PPP4R1: variants seen among roughly 807,000 people sequenced by gnomAD.
PPP4R1 encodes the protein protein phosphatase 4 regulatory subunit 1, also known as serine/threonine-protein phosphatase 4 regulatory subunit 1.
In PPP4R1, 42 loss-of-function variants were observed where a neutral mutation model predicts 111.2. The ratio of observed to expected loss-of-function variants is 0.38; its 90% CI spans 0.29 to 0.49. The LOEUF (loss-of-function observed/expected upper bound fraction) is 0.49. Ranked by LOEUF, PPP4R1 falls within the 20% of genes least tolerant of loss-of-function variation. The probability of loss-of-function intolerance (pLI) is 0.97; values close to 1 mark genes in which losing one functional copy is unlikely to be tolerated. For missense variants in PPP4R1, 1,012 were observed against 1,161.6 expected (o/e 0.87, Z 1.87); for synonymous variants, 409 against 405.5 (o/e 1.01, Z -0.10).
intron 4 of PPP4R1, among the ~76,000 whole-genome samples, chr18:9,590,685 A>G (rs2067196419): frequency 6.6e-6 from 1 of 151,958 alleles, no homozygotes; most frequent in African/African-American, 2.4e-5. Flanking sequence ...CTGGCTACTC[A>G]CATTAAAAAA....
intron 2 of PPP4R1, among the ~76,000 whole-genome samples, chr18:9,612,079 C>T (rs1346839288): frequency 6.6e-6 from 1 of 152,102 alleles, no homozygotes; most frequent in Non-Finnish European, 1.5e-5. Flanking sequence ...CTGTAAGGTT[C>T]AACATCAGTG....
rs750119487 is a variant in PPP4R1 at position 9,593,785 on chromosome 18, C to T, written c.278G>A (p.Arg93Lys). ...DCIAVLERIS[R>K]LADDSEPTVR... ...ACATATACCTGAATCATCGGCCAAT[C>T]TGCTAATTCTTTCCAAAACAGCAAT... Residue 93 changes from arginine (R) to lysine (K), a missense_variant, in exon 4 of 20, where the codon AGA (arginine) becomes AAA (lysine). Physicochemically the swap from Arg to Lys is conservative, Grantham distance 26. Around this residue, in one of 2 missense-constraint regions of PPP4R1, gnomAD observed 707 missense variants for 742.1 expected, o/e 0.95. Transcript: ENST00000400556. 1.9e-6 allele frequency: 3 copies of T among 1,613,564 alleles called. No individual in the cohort carries two copies. Among genetic ancestry groups the T allele is most frequent in the East Asian group, 4.5e-5 (2 of 44,884 alleles).
At chr18:9,585,584 T>G (rs2067102335) in intron 6 of PPP4R1, among the ~76,000 whole-genome samples, 1 of 152,178 alleles carries the variant, frequency 6.6e-6, no homozygotes. Flanking sequence ...AGATACAGAT[T>G]GCAAAGAAAG....
upstream of PPP4R1, among the ~76,000 whole-genome samples, chr18:9,615,998 C>T (rs948073672): frequency 2.0e-5 from 3 of 152,160 alleles, no homozygotes; most frequent in East Asian, 1.9e-4. Flanking sequence ...GACCCCGTAA[C>T]CCCGAGTATG....
rs2066836049 is a variant in PPP4R1 at position 9,570,148 on chromosome 18, C to T, written c.1573+9G>A. ...ATTTCAGAATAAATAACTTGATTGA[C>T]TTCCATACCTTTAACATCTGGATCA... On this transcript the variant is annotated intron_variant, in intron 11 of 19. Coordinates refer to ENST00000400556, the MANE Select transcript of PPP4R1 (RefSeq NM_001042388.3). 2 of 1,491,080 alleles carry T rather than the reference C, an allele frequency of 1.3e-6. No individual in the cohort carries two copies. Among genetic ancestry groups the T allele is most frequent in the Non-Finnish European group, 1.8e-6 (2 of 1,120,310 alleles). 92.4% of individuals were successfully genotyped at this position (1,491,080 alleles called of 1,614,324 possible).
At chr18:9,612,104 CTTCTT>C (rs1323324961) in intron 2 of PPP4R1, among the ~76,000 whole-genome samples, 2 of 152,178 alleles carry the variant, frequency 1.3e-5, no homozygotes, top group Non-Finnish European at 2.9e-5. Flanking sequence ...CTTCTCTGCT[CTTCTT>C]TTAAGCTTCC....
chr18:9,594,686 T>G, intron 3 of PPP4R1: 1 of 215,724 alleles, frequency 4.6e-6, no homozygotes. Flanking sequence ...GCATCACCCG[T>G]CATACAGCAG....
In PPP4R1 at chr18:9,588,220, G is replaced by A; in HGVS notation, c.454C>T (p.Gln152Ter). 1 of 1,613,848 alleles carries A rather than the reference G, an allele frequency of 6.2e-7. No homozygotes were observed. Among genetic ancestry groups the A allele is most frequent in the Non-Finnish European group, 8.5e-7 (1 of 1,179,892 alleles). ...TCCAACAGAGCCAGCAAAGCTGCCT[G>A]ACTTGTTTTCCTCACCTAGGAGAAA... is the stretch of plus-strand genomic sequence containing the variant. Reference protein sequence around the residue: ...DQNNQVRKTSQAALLALLEQE... With the variant: ...DQNNQVRKTS Residue 152 changes from glutamine to a stop codon, truncating the protein, a stop_gained, in exon 6 of 20, where the codon CAG becomes TAG. Transcript: ENST00000400556. LOFTEE classifies it high-confidence loss of function.
In PPP4R1 at chr18:9,570,643, G is replaced by T; in HGVS notation, c.1087C>A (p.Pro363Thr). The T allele has an allele frequency of 6.2e-7, 1 of 1,605,366 alleles. No individual in the cohort carries two copies. The highest frequency in any genetic ancestry group is 8.5e-7 in the Non-Finnish European group (1 of 1,175,702). ...CTGAGATCTGAAGGAGTATCCTCTG[G>T]CCTGACTTGTACATCCTCTGGGGCT... is the stretch of plus-strand genomic sequence containing the variant. ...QEAPEDVQVR[P>T]EDTPSDLSVS... The change falls in exon 11 of 20, where the codon CCA (proline) becomes ACA (threonine). Residue 363 changes from proline (P) to threonine (T), a missense_variant. Around this residue, in one of 2 missense-constraint regions of PPP4R1, gnomAD observed 707 missense variants for 742.1 expected, o/e 0.95. Coordinates refer to ENST00000400556, the MANE Select transcript of PPP4R1 (RefSeq NM_001042388.3).
Position 9,593,860 on chromosome 18 carries a change from C to G in PPP4R1, c.203G>C (p.Arg68Pro). The stretch of plus-strand genomic sequence containing the variant: ...TTCCCTCAAGGTATCGAGCAAACTC[C>G]GGGCCACCATTTGTCTACACAAAAA... ...ENIFNRQMVARSLLDTLREVC... is the reference protein window; with the variant it reads ...ENIFNRQMVAPSLLDTLREVC... Residue 68 changes from arginine (R) to proline (P), a missense_variant, in exon 4 of 20, where the codon CGG becomes CCG. Coordinates refer to ENST00000400556, the MANE Select transcript of PPP4R1 (RefSeq NM_001042388.3). 6.2e-7 allele frequency: 1 copy of G among 1,613,486 alleles called. No homozygotes were observed. Among genetic ancestry groups the G allele is most frequent in the Non-Finnish European group, 8.5e-7 (1 of 1,179,802 alleles).
In PPP4R1 at chr18:9,595,120, A is replaced by C. The variant is rs779312540; in HGVS notation, c.86T>G (p.Val29Gly). The C allele has an allele frequency of 3.1e-6, 5 of 1,613,930 alleles. No individual in the cohort carries two copies. The highest frequency in any genetic ancestry group is 4.2e-6 in the Non-Finnish European group (5 of 1,179,862). Residue 29 changes from valine to glycine, a missense_variant, in exon 3 of 20, where the codon GTG becomes GGG. Around this residue, in one of 2 missense-constraint regions of PPP4R1, gnomAD observed 707 missense variants for 742.1 expected, o/e 0.95. Transcript: ENST00000400556. ...GVDDYSSESD[V>G]IIIPSALDFV... ...GTCCAGGGCTGAAGGTATAATAATC[A>C]CATCAGACTCTGAGCTGTAGTCATC...
intron 8 of PPP4R1, among the ~76,000 whole-genome samples, chr18:9,584,024 G>C (rs1192706378): frequency 6.6e-6 from 1 of 152,052 alleles, no homozygotes; most frequent in African/African-American, 2.4e-5. Flanking sequence ...CAATATTTCT[G>C]GCTATGCAAA....
At chr18:9,564,726 G>T (rs941365113) in intron 11 of PPP4R1, among the ~76,000 whole-genome samples, 10 of 51,972 alleles carry the variant, frequency 1.9e-4, no homozygotes, top group South Asian at 1.0e-3. Context: ...GTGTGTGTGT[G>T]TGTGTGTGTG....
At chr18:9,610,495 G>A (rs1369278896) in intron 2 of PPP4R1, among the ~76,000 whole-genome samples, 4 of 151,340 alleles carry the variant, frequency 2.6e-5, no homozygotes, top group Non-Finnish European at 5.9e-5. Flanking sequence ...ACGGAGTCTT[G>A]CTCTGTCGCC....
At chr18:9,598,276 T>A (rs1029347190) in intron 2 of PPP4R1, among the ~76,000 whole-genome samples, 11 of 152,166 alleles carry the variant, frequency 7.2e-5, no homozygotes, top group African/African-American at 2.4e-4. Context: ...TGGACAAAAT[T>A]TTCCCAAATT....
At chr18:9,555,973 AAAACAAACAAAC>A (rs886759220) in intron 15 of PPP4R1, among the ~76,000 whole-genome samples, 31 of 144,188 alleles carry the variant, frequency 2.1e-4, no homozygotes, top group African/African-American at 3.6e-4. Flanking sequence ...CATCTCTACT[AAAACAAACAAAC>A]AAACAAACAA....
chr18:9,571,381 TGTAA>T (rs990568316), intron 10 of PPP4R1, among the ~76,000 whole-genome samples: 5 of 152,368 alleles, frequency 3.3e-5, no homozygotes, highest in East Asian at 1.9e-4. Flanking sequence ...GAAGTACGAC[TGTAA>T]GTGTTATTAT....
intron 13 of PPP4R1, among the ~76,000 whole-genome samples, chr18:9,560,802 C>G (rs1050876956): frequency 2.6e-5 from 4 of 151,600 alleles, no homozygotes; most frequent in Admixed American, 2.0e-4. Flanking sequence ...TTCGAGGCTG[C>G]AGTGAGCTGT....
chr18:9,577,017 A>C, intron 10 of PPP4R1, 47 bp downstream of exon 10: 1 of 1,429,702 alleles, frequency 7.0e-7, no homozygotes, highest in Non-Finnish European at 9.5e-7. Flanking sequence ...AAGCAGTAAA[A>C]TTAGAAAACA....
Sources: gnomAD v4.1 joint callset for allele counts (sites outside exome capture counted in the v4.1 genomes callset) on GRCh38, gnomAD v4.1.1 for gene constraint, gnomAD v4.1.1 regional missense constraint, MANE v1.5 for transcripts, NCBI Gene and HGNC (gene_info 2026-07-23, HGNC 2026-07-21) for gene names.